TMTC2: variants seen among roughly 807,000 people sequenced by gnomAD.
TMTC2 encodes the protein protein O-mannosyl-transferase TMTC2.
TMTC2 carries 43 observed loss-of-function variants against 82.4 expected under a neutral mutation model. The ratio of observed to expected loss-of-function variants is 0.52; its 90% CI spans 0.41 to 0.67. The LOEUF (loss-of-function observed/expected upper bound fraction) is 0.67, where lower values mean the gene tolerates loss of function less well. Among genes scored for constraint, TMTC2 ranks in the 30% least tolerant of loss-of-function variants. TMTC2 has a pLI of 0.00. For synonymous variants in TMTC2, 408 were observed against 381.9 expected (o/e 1.07, Z -0.80); for missense variants, 919 against 1,012.4 (o/e 0.91, Z 1.25).
intron 3 of TMTC2, among the ~76,000 whole-genome samples, chr12:82,897,959 A>G (rs1276330852): frequency 1.0e-5 from 1 of 99,500 alleles, no homozygotes; most frequent in Non-Finnish European, 1.8e-5. Flanking sequence ...GCCTGCTAAT[A>G]GGTGTATATA....
intron 2 of TMTC2, among the ~76,000 whole-genome samples, chr12:82,872,673 T>G (rs529004971): frequency 6.6e-6 from 1 of 152,292 alleles, no homozygotes; most frequent in African/African-American, 2.4e-5. Flanking sequence ...TTAGCAATAT[T>G]TTAATGTCCA....
rs1454361371 is a variant in TMTC2 at position 83,133,690 on chromosome 12, G to A, written c.*1301G>A. ...CAAGAAAAAGACTATAAATTAAGTA[G>A]AGAACAACATTTTTATTGAACATTT... On this transcript the variant is annotated 3_prime_UTR_variant, in exon 12 of 12. Transcript: ENST00000321196. 6.6e-6 allele frequency: 1 copy of A among 152,224 alleles called. No homozygotes were observed. The highest frequency in any genetic ancestry group is 1.9e-4 in the East Asian group (1 of 5,178). 9.4% of individuals were successfully genotyped at this position (152,224 alleles called of 1,614,324 possible).
At chr12:82,800,704 C>A (rs565689600) in intron 1 of TMTC2, among the ~76,000 whole-genome samples, 25 of 152,242 alleles carry the variant, frequency 1.6e-4, no homozygotes, top group African/African-American at 5.5e-4. Flanking sequence ...TGAGATAATA[C>A]AAATGACACC....
chr12:83,022,822 A>G (rs1183461214), intron 8 of TMTC2, among the ~76,000 whole-genome samples: 1 of 152,202 alleles, frequency 6.6e-6, no homozygotes, highest in Non-Finnish European at 1.5e-5. Context: ...GTTATAAACT[A>G]TAATTTACAG....
At chr12:83,117,562 A>G (rs1310371702) in intron 11 of TMTC2, among the ~76,000 whole-genome samples, 1 of 152,124 alleles carries the variant, frequency 6.6e-6, no homozygotes, top group African/African-American at 2.4e-5. Flanking sequence ...CTATGGCCTT[A>G]TAGTGTAGTT....
At chr12:82,825,568 C>T (rs945984283) in intron 1 of TMTC2, among the ~76,000 whole-genome samples, 12 of 152,102 alleles carry the variant, frequency 7.9e-5, no homozygotes, top group Non-Finnish European at 1.3e-4. Flanking sequence ...CTAATCCCTT[C>T]TCTTGTAGGC....
At position 82,960,243 on chromosome 12, in the gene TMTC2, C is replaced by T. The variant is rs117991682; in HGVS notation, c.1599-4781C>T. Among the ~76,000 whole-genome samples the T allele has an allele frequency of 4.2e-4, 64 of 152,050 alleles. No homozygotes were observed. In the East Asian group the frequency reaches 0.011, roughly 25 times the overall value. On this transcript the variant is annotated intron_variant, in intron 4 of 11. Transcript: ENST00000321196. ...TGGAGATTTCTCGAAGAACTTAAAACAGAACTACCATTTGACCCAGCAGTC... is the reference window on the plus strand; with the variant it reads ...TGGAGATTTCTCGAAGAACTTAAAATAGAACTACCATTTGACCCAGCAGTC...
chr12:82,944,759 A>G (rs115572069), intron 4 of TMTC2, among the ~76,000 whole-genome samples: 5,303 of 152,088 alleles, frequency 0.035, 111 homozygotes, highest in Middle Eastern at 0.051. Context: ...TCCCCATGGG[A>G]AAAAAAGATA....
intron 2 of TMTC2, among the ~76,000 whole-genome samples, chr12:82,880,924 A>T (rs929313077): frequency 1.4e-4 from 21 of 152,188 alleles, no homozygotes; most frequent in Non-Finnish European, 2.6e-4. Context: ...TGCTAATTGG[A>T]GCTATGTCAG....
intron 11 of TMTC2, among the ~76,000 whole-genome samples, chr12:83,076,470 A>G (rs1347886872): frequency 6.6e-6 from 1 of 152,210 alleles, no homozygotes; most frequent in Non-Finnish European, 1.5e-5. Context: ...ACCACACACT[A>G]AAATTACAGT....
At chr12:83,105,966 A>G (rs546919875) in intron 11 of TMTC2, among the ~76,000 whole-genome samples, 69 of 152,348 alleles carry the variant, frequency 4.5e-4, no homozygotes, top group African/African-American at 1.6e-3. Flanking sequence ...GAAAAAGAAT[A>G]TAGAATAGCG....
intron 3 of TMTC2, among the ~76,000 whole-genome samples, chr12:82,923,084 A>G (rs970598365): frequency 3.9e-5 from 6 of 152,222 alleles, no homozygotes; most frequent in African/African-American, 1.4e-4. Context: ...ATGGCATAAC[A>G]GAATGTCTGC....
At chr12:82,779,288 C>T (rs1592515101) in intron 1 of TMTC2, among the ~76,000 whole-genome samples, 2 of 151,684 alleles carry the variant, frequency 1.3e-5, no homozygotes, top group Admixed American at 6.6e-5. Context: ...ATGGGCTTGC[C>T]GATGGAGAGA....
At chr12:82,708,244 T>C (rs889570178) in intron 1 of TMTC2, among the ~76,000 whole-genome samples, 1 of 152,200 alleles carries the variant, frequency 6.6e-6, no homozygotes, top group Non-Finnish European at 1.5e-5. Context: ...AAAACTCTTC[T>C]GGCAAACTTA....
chr12:82,970,110 G>C (rs538011197), intron 7 of TMTC2, among the ~76,000 whole-genome samples: 1 of 152,268 alleles, frequency 6.6e-6, no homozygotes, highest in South Asian at 2.1e-4. Context: ...CCTGAAGTCA[G>C]ATACCCTCGG....
At chr12:83,028,592 G>A (rs1033265296) in intron 8 of TMTC2, among the ~76,000 whole-genome samples, 4 of 152,026 alleles carry the variant, frequency 2.6e-5, no homozygotes, top group East Asian at 1.9e-4. Context: ...TGAAATAGTC[G>A]CATTGCTCTA....
chr12:83,112,033 G>C (rs1349675846), intron 11 of TMTC2, among the ~76,000 whole-genome samples: 1 of 152,002 alleles, frequency 6.6e-6, no homozygotes, highest in Non-Finnish European at 1.5e-5. Context: ...TTGAGCCTGG[G>C]AGGAGGAGGT....
At chr12:83,097,027 A>T (rs1027322585) in intron 11 of TMTC2, among the ~76,000 whole-genome samples, 1 of 152,148 alleles carries the variant, frequency 6.6e-6, no homozygotes, top group Non-Finnish European at 1.5e-5. Context: ...ATGTTTTTCT[A>T]TTTCAGCATT....
At chr12:82,876,979 T>C (rs1400078706) in intron 2 of TMTC2, among the ~76,000 whole-genome samples, 1 of 152,198 alleles carries the variant, frequency 6.6e-6, no homozygotes, top group Non-Finnish European at 1.5e-5. Context: ...ATTTTAAGAA[T>C]GCTTTCCTTC....
Sources: allele counts gnomAD v4.1 joint callset (sites outside exome capture counted in the v4.1 genomes callset), GRCh38; gene constraint gnomAD v4.1.1; transcripts MANE v1.5; gene names NCBI Gene and HGNC (gene_info 2026-07-23, HGNC 2026-07-21).